Variants in ANO10 observed in about 807,000 individuals in gnomAD.
The protein encoded by ANO10 is anoctamin-10.
In ANO10, 77 loss-of-function variants were observed where a neutral mutation model predicts 74.7. The ratio of observed to expected loss-of-function variants is 1.03; its 90% CI spans 0.86 to 1.25. The LOEUF (loss-of-function observed/expected upper bound fraction) is 1.25, where lower values mean the gene tolerates loss of function less well. Among genes scored for constraint, ANO10 ranks in the 50% most tolerant of loss-of-function variants. The probability of loss-of-function intolerance (pLI) is 0.00; values close to 1 mark genes in which losing one functional copy is unlikely to be tolerated. For missense variants in ANO10, 721 were observed against 778.1 expected (o/e 0.93, Z 0.87); for synonymous variants, 279 against 284.9 (o/e 0.98, Z 0.21).
chr3:43,624,932 CTG>C (rs1334311176), upstream of ANO10, among the ~76,000 whole-genome samples: 2 of 152,230 alleles, frequency 1.3e-5, no homozygotes, highest in Non-Finnish European at 2.9e-5. Context: ...GAAAGAGAAA[CTG>C]TGGCTAAGGA....
intron 12 of ANO10, among the ~76,000 whole-genome samples, chr3:43,392,386 A>C (rs570720807): frequency 1.3e-4 from 20 of 152,368 alleles, no homozygotes; most frequent in African/African-American, 4.6e-4. Flanking sequence ...TTTTTAATAC[A>C]AAGAATGGCA....
intron 4 of ANO10, among the ~76,000 whole-genome samples, chr3:43,590,726 GT>G (rs2081699741): frequency 2.0e-5 from 3 of 152,348 alleles, no homozygotes; most frequent in Non-Finnish European, 4.4e-5. Context: ...CTGGATCTCA[GT>G]TTGAGCAAAC....
chr3:43,451,632 G>T (rs555118668), intron 11 of ANO10, among the ~76,000 whole-genome samples: 1 of 152,198 alleles, frequency 6.6e-6, no homozygotes, highest in South Asian at 2.1e-4. Context: ...TGGGGATTAG[G>T]GGGTGGGTAG....
At chr3:43,395,837 A>G (rs970850794) in intron 12 of ANO10, among the ~76,000 whole-genome samples, 4 of 151,820 alleles carry the variant, frequency 2.6e-5, no homozygotes, top group Non-Finnish European at 5.9e-5. Context: ...AGGGGTTGGC[A>G]AAATATTATT....
chr3:43,476,761 A>C (rs2076081367), intron 11 of ANO10, among the ~76,000 whole-genome samples: 1 of 152,232 alleles, frequency 6.6e-6, no homozygotes, highest in African/African-American at 2.4e-5. Context: ...TAAACATTAA[A>C]ATAATGAGAT....
chr3:43,485,199 C>G (rs144955458), intron 11 of ANO10: 12 of 688,810 alleles, frequency 1.7e-5, no homozygotes, highest in Non-Finnish European at 3.1e-5. Context: ...GGTCAGGTAC[C>G]GGTATTGCCG....
intron 1 of ANO10, among the ~76,000 whole-genome samples, chr3:43,650,518 T>C (rs1459503986): frequency 1.3e-5 from 2 of 152,180 alleles, no homozygotes; most frequent in South Asian, 2.1e-4. Flanking sequence ...TTTTTTTAAA[T>C]CATAAAGAGT....
intron 1 of ANO10, chr3:43,690,914 T>G (rs2084357395): frequency 1.4e-6 from 2 of 1,465,452 alleles, no homozygotes; most frequent in African/African-American, 2.9e-5. Context: ...CCGCCTTAAG[T>G]GCCGCGCCAG....
chr3:43,396,125 T>C (rs1575657290), intron 12 of ANO10, among the ~76,000 whole-genome samples: 2 of 152,220 alleles, frequency 1.3e-5, no homozygotes, highest in Non-Finnish European at 2.9e-5. Flanking sequence ...GGCATAATGT[T>C]GAAAAGAAGT....
intron 12 of ANO10, among the ~76,000 whole-genome samples, chr3:43,383,422 C>A (rs900620571): frequency 1.4e-5 from 2 of 147,754 alleles, no homozygotes; most frequent in African/African-American, 5.1e-5. Flanking sequence ...CCACTGCACT[C>A]CAGCCTGGGC....
intron 12 of ANO10, among the ~76,000 whole-genome samples, chr3:43,400,421 TG>T (rs1039961815): frequency 2.0e-5 from 3 of 151,934 alleles, no homozygotes; most frequent in Non-Finnish European, 2.9e-5. Context: ...CTGGGAAGCT[TG>T]GGAAGGTCCT....
intron 12 of ANO10, among the ~76,000 whole-genome samples, chr3:43,422,026 T>C (rs1383536218): frequency 6.6e-6 from 1 of 152,232 alleles, no homozygotes; most frequent in Non-Finnish European, 1.5e-5. Context: ...CTCCCATATG[T>C]TGACCATCAT....
chr3:43,645,811 G>GT (rs1467094059), intron 1 of ANO10, among the ~76,000 whole-genome samples: 1 of 152,130 alleles, frequency 6.6e-6, no homozygotes, highest in African/African-American at 2.4e-5. Flanking sequence ...TCTGCCTGGT[G>GT]TTTTTTATTT....
At chr3:43,521,322 C>T (rs2077946199) in intron 11 of ANO10, among the ~76,000 whole-genome samples, 1 of 152,148 alleles carries the variant, frequency 6.6e-6, no homozygotes, top group South Asian at 2.1e-4. Flanking sequence ...AGGTTGAAAA[C>T]AAGGCATAAA....
At chr3:43,663,143 A>G (rs1195782932) in intron 1 of ANO10, among the ~76,000 whole-genome samples, 1 of 152,252 alleles carries the variant, frequency 6.6e-6, no homozygotes, top group Non-Finnish European at 1.5e-5. Context: ...AAAATCCTCA[A>G]TAAAATGCTG....
chr3:43,672,286 G>A (rs1424183305), intron 1 of ANO10, among the ~76,000 whole-genome samples: 1 of 152,294 alleles, frequency 6.6e-6, no homozygotes, highest in Admixed American at 6.5e-5. Context: ...CACTTTGGGA[G>A]GCCAAGGTGG....
chr3:43,609,467 C>A (rs982927096), intron 1 of ANO10, among the ~76,000 whole-genome samples: 1 of 152,176 alleles, frequency 6.6e-6, no homozygotes, highest in Non-Finnish European at 1.5e-5. Flanking sequence ...AAAATCATGA[C>A]CAAGTGAAGA....
intron 1 of ANO10, among the ~76,000 whole-genome samples, chr3:43,668,098 G>A (rs2084013990): frequency 6.6e-6 from 1 of 151,956 alleles, no homozygotes; most frequent in Non-Finnish European, 1.5e-5. Context: ...AACGTCTATT[G>A]TTTTTTGACT....
chr3:43,634,756 G>A (rs1253381532), intron 1 of ANO10, among the ~76,000 whole-genome samples: 1 of 151,162 alleles, frequency 6.6e-6, no homozygotes, highest in Non-Finnish European at 1.5e-5. Flanking sequence ...CTGTGTTGGG[G>A]AGTAAGGCAT....
Sources: allele counts gnomAD v4.1 joint callset (sites outside exome capture counted in the v4.1 genomes callset), GRCh38; gene constraint gnomAD v4.1.1; transcripts MANE v1.5; gene names NCBI Gene and HGNC (gene_info 2026-07-23, HGNC 2026-07-21).